Variants in C10orf105 observed in about 807,000 individuals in gnomAD.
The protein encoded by C10orf105 is uncharacterized protein C10orf105.
A neutral mutation model predicts 0.6 loss-of-function variants in C10orf105; 2 were observed. That is an observed-to-expected ratio of 3.18 (90% CI 1.30 to 10.01). The LOEUF is 10.01. C10orf105 is among the 30% of genes most tolerant of loss of function. The pLI, the probability that C10orf105 is intolerant of heterozygous loss-of-function variation, is 0.04. For missense variants in C10orf105, 209 were observed against 191.4 expected, an observed-to-expected ratio of 1.09 and a Z score of -0.54; for synonymous variants, 95 against 82.4, an observed-to-expected ratio of 1.15 and a Z score of -0.83.
upstream of C10orf105, among the ~76,000 whole-genome samples, chr10:71,720,412 C>T (rs1265850288): frequency 3.5e-5 from 5 of 143,448 alleles, no homozygotes; most frequent in Admixed American, 2.8e-4. Context: ...ACTGGAGGCT[C>T]TTTCCAAAAC....
chr10:71,733,584 G>A (rs895340362), intron 1 of C10orf105, among the ~76,000 whole-genome samples: 3 of 152,116 alleles, frequency 2.0e-5, no homozygotes, highest in Admixed American at 6.5e-5. Context: ...AGGAACCAGG[G>A]ACAGAGACCA....
chr10:71,714,308 G>C lies in C10orf105; in HGVS notation c.*1628C>G, dbSNP rs1866116152. ...CCTCAGAGGGTGGGGACACACCCAGGCTGGGCCACGCTTCACTCTGTACAC... is the reference window on the plus strand; with the variant it reads ...CCTCAGAGGGTGGGGACACACCCAGCCTGGGCCACGCTTCACTCTGTACAC... On this transcript the variant is annotated 3_prime_UTR_variant, in exon 2 of 2. Coordinates refer to ENST00000441508, the MANE Select transcript of C10orf105 (RefSeq NM_001164375.3). 1 of 152,050 alleles carries C rather than the reference G, an allele frequency of 6.6e-6. No individual in the cohort carries two copies. The highest frequency in any genetic ancestry group is 2.4e-5 in the African/African-American group (1 of 41,364). 9.4% of individuals were successfully genotyped at this position (152,050 alleles called of 1,614,324 possible). A position where few individuals can be genotyped will look rare whatever the true frequency, so the allele number is the denominator to read the frequency against.
intron 1 of C10orf105, among the ~76,000 whole-genome samples, chr10:71,728,689 C>A (rs951302258): frequency 3.3e-5 from 5 of 152,326 alleles, no homozygotes; most frequent in Admixed American, 6.5e-5. Flanking sequence ...ACTTTGCTGG[C>A]AAGTTCCTAC....
Position 71,716,158 on chromosome 10 carries a change from C to T in C10orf105, c.180G>A (p.Lys60=). The stretch of plus-strand genomic sequence containing the variant: ...GGCGGCTCGGGTCCAGCGCGGCCGG[C>T]TTGCAGAGCGTCATGAACAGCAGAC... ...ATCLLFMTLC[K]PAALDPSRRR... The change falls in exon 2 of 2, where the codon AAG becomes AAA. Residue 60 remains lysine, a synonymous_variant. Coordinates refer to ENST00000441508, the MANE Select transcript of C10orf105 (RefSeq NM_001164375.3). 6.4e-7 allele frequency: 1 copy of T among 1,550,726 alleles called. No individual in the cohort carries two copies. Among genetic ancestry groups the T allele is most frequent in the South Asian group, 1.2e-5 (1 of 84,000 alleles).
At chr10:71,735,181 C>A (rs1314307255) in intron 1 of C10orf105, among the ~76,000 whole-genome samples, 1 of 152,186 alleles carries the variant, frequency 6.6e-6, no homozygotes, top group African/African-American at 2.4e-5. Context: ...AAAGGGGACC[C>A]CCTCCCTCTC....
intron 1 of C10orf105, chr10:71,717,994 G>A (rs1459542214): frequency 2.0e-5 from 3 of 152,262 alleles, no homozygotes; most frequent in African/African-American, 7.2e-5. Context: ...AGGTCAGCAT[G>A]TGTGATATTT....
At position 71,716,291 on chromosome 10, in the gene C10orf105, G is replaced by A. The variant is rs764039754; in HGVS notation, c.47C>T (p.Pro16Leu). Reference sequence around the variant, plus strand: ...GACGGGAGCTGAGAGAAAGGCGAGGGGGCTGATGGCTGGGGAGCTGGCGAG... The same window carrying A: ...GACGGGAGCTGAGAGAAAGGCGAGGAGGCTGATGGCTGGGGAGCTGGCGAG... ...PSLASSPAIS[P>L]LAFLSAPVTP... is the part of the protein sequence containing the mutation. Residue 16 changes from proline to leucine, a missense_variant, in exon 2 of 2, where the codon CCC becomes CTC. Physicochemically the swap from Pro to Leu is moderately conservative, Grantham distance 98 (BLOSUM62 -3). Coordinates refer to ENST00000441508, the MANE Select transcript of C10orf105 (RefSeq NM_001164375.3). 1 of 1,522,396 alleles carries A rather than the reference G, an allele frequency of 6.6e-7. No homozygotes were observed. The highest frequency in any genetic ancestry group is 1.2e-5 in the South Asian group (1 of 80,276). 94.3% of individuals were successfully genotyped at this position (1,522,396 alleles called of 1,614,324 possible). A position where few individuals can be genotyped will look rare whatever the true frequency, so the allele number is the denominator to read the frequency against.
At position 71,713,205 on chromosome 10, in the gene C10orf105, T is replaced by C. The variant is rs559216600; in HGVS notation, c.*2731A>G. 1.3e-6 allele frequency: 1 copy of C among 779,276 alleles called. No homozygotes were observed. Among genetic ancestry groups the C allele is most frequent in the South Asian group, 1.3e-5 (1 of 74,498 alleles). 48.3% of individuals were successfully genotyped at this position (779,276 alleles called of 1,614,324 possible). On this transcript the variant is annotated 3_prime_UTR_variant, in exon 2 of 2. Coordinates refer to ENST00000441508, the MANE Select transcript of C10orf105 (RefSeq NM_001164375.3). ...GAACAGAGCTGCTTTCACAGAGCCC[T>C]TGGCCGAGGCTCCCCTCTTGGGAAG...
intron 1 of C10orf105, chr10:71,731,923 G>A (rs1319920128): frequency 1.3e-6 from 2 of 1,533,146 alleles, no homozygotes; most frequent in Admixed American, 1.9e-5. Flanking sequence ...GGCAGCTTGA[G>A]AAGCCACAGC....
At chr10:71,718,425 G>A (rs1326641576) in intron 1 of C10orf105, among the ~76,000 whole-genome samples, 2 of 151,832 alleles carry the variant, frequency 1.3e-5, no homozygotes, top group East Asian at 3.9e-4. Context: ...GTGCCTGGCT[G>A]GAAAGTGTGA....
intron 1 of C10orf105, among the ~76,000 whole-genome samples, chr10:71,727,920 C>A (rs1866888158): frequency 1.3e-5 from 2 of 152,180 alleles, no homozygotes; most frequent in South Asian, 4.1e-4. Context: ...TTGCCTCCTC[C>A]TGTCTCTGCT....
At chr10:71,734,761 G>A (rs967570908) in intron 1 of C10orf105, 1 of 714,312 alleles carries the variant, frequency 1.4e-6, no homozygotes. Context: ...CAGAGAGAAG[G>A]CACGTGGACA....
rs762681991 is a variant in C10orf105, at chr10:71,712,729, G to T, written c.*3207C>A. On this transcript the variant is annotated 3_prime_UTR_variant, in exon 2 of 2. Coordinates refer to ENST00000441508, the MANE Select transcript of C10orf105 (RefSeq NM_001164375.3). ...CCGTGTTCGTCACTGTCCTGGATGT[G>T]AATGACAACCGGCCCATCTTTCTGC... The T allele has an allele frequency of 6.2e-7, 1 of 1,613,706 alleles. No homozygotes were observed. Among genetic ancestry groups the T allele is most frequent in the South Asian group, 1.1e-5 (1 of 91,052 alleles).
rs753318471 is a variant in C10orf105, at chr10:71,713,138, C to T, written c.*2798G>A. ...GGGAGAAAGAGACGTCACAATTTCC[C>T]GGAAAGGAGTTGAGAAGAGAGCCAG... On this transcript the variant is annotated 3_prime_UTR_variant, in exon 2 of 2. Transcript: ENST00000441508. 22 of 778,512 alleles carry T rather than the reference C, an allele frequency of 2.8e-5. No homozygotes were observed. In the East Asian group the frequency reaches 2.9e-4, roughly 10 times the overall value. 48.2% of individuals were successfully genotyped at this position (778,512 alleles called of 1,614,324 possible). A position where few individuals can be genotyped will look rare whatever the true frequency, so the allele number is the denominator to read the frequency against.
chr10:71,736,195 C>T (rs543551028), intron 1 of C10orf105, among the ~76,000 whole-genome samples: 4 of 152,364 alleles, frequency 2.6e-5, no homozygotes, highest in East Asian at 1.9e-4. Flanking sequence ...TGCCCTCTTC[C>T]GGTTAGCAGG....
chr10:71,734,594 G>A lies in C10orf105; in HGVS notation c.-6+3134C>T, dbSNP rs1839503111. The stretch of plus-strand genomic sequence containing the variant: ...GTGGGGTCTGGAAGAGCCACAGACG[G>A]CTAACCATTTGCATCTTTGCCTTTT... On this transcript the variant is annotated intron_variant, in intron 1 of 1. Coordinates refer to the C10orf105 transcript ENST00000398786. 60 of 1,593,078 alleles carry A rather than the reference G, an allele frequency of 3.8e-5. 3 individuals carry two copies. The South Asian group carries it at 6.3e-4, about 17-fold the overall frequency.
intron 1 of C10orf105, chr10:71,734,463 G>A (rs1839497641): frequency 6.7e-7 from 1 of 1,494,182 alleles, no homozygotes; most frequent in Non-Finnish European, 9.1e-7. Context: ...GGTCTTGATA[G>A]CCTGAGGCTT....
upstream of C10orf105, among the ~76,000 whole-genome samples, chr10:71,720,657 C>T (rs1275609903): frequency 6.6e-6 from 1 of 152,224 alleles, no homozygotes; most frequent in Non-Finnish European, 1.5e-5. Context: ...TGGTTTTTAG[C>T]TGTTCCCTCC....
At chr10:71,723,259 T>C (rs1275086272), upstream of C10orf105, among the ~76,000 whole-genome samples, 2 of 152,128 alleles carry the variant, frequency 1.3e-5, no homozygotes, top group African/African-American at 4.8e-5. Flanking sequence ...CCACTTGTTT[T>C]GGGTGGGCAG....
Sources: allele counts gnomAD v4.1 joint callset (sites outside exome capture counted in the v4.1 genomes callset), GRCh38; gene constraint gnomAD v4.1.1; transcripts MANE v1.5; gene names NCBI Gene and HGNC (gene_info 2026-07-23, HGNC 2026-07-21).